PALM2AKAP2: variants seen among roughly 807,000 people sequenced by gnomAD.
PALM2AKAP2 encodes PALM2 and AKAP2 fusion.
A neutral mutation model predicts 71.5 loss-of-function variants in PALM2AKAP2; 37 were observed. The ratio of observed to expected loss-of-function variants is 0.52; its 90% CI spans 0.40 to 0.68. The LOEUF is 0.68. PALM2AKAP2 is among the 30% of genes least tolerant of loss of function. PALM2AKAP2 has a pLI of 0.00. For synonymous variants in PALM2AKAP2, 468 were observed against 478.8 expected (o/e 0.98, Z 0.29); for missense variants, 1,224 against 1,191.8 (o/e 1.03, Z -0.40).
intron 1 of PALM2AKAP2, among the ~76,000 whole-genome samples, chr9:109,680,001 T>A (rs10759357): frequency 0.86 from 131,101 of 152,128 alleles, 56,986 homozygotes; most frequent in African/African-American, 0.96. Context: ...ACCTCTCTAG[T>A]TTCATGCAAA....
At chr9:109,716,132 T>A (rs1828316123) in intron 1 of PALM2AKAP2, among the ~76,000 whole-genome samples, 1 of 152,246 alleles carries the variant, frequency 6.6e-6, no homozygotes, top group African/African-American at 2.4e-5. Flanking sequence ...GTGAGCATTG[T>A]GTAAAAATCT....
chr9:109,931,841 A>G, intron 5 of PALM2AKAP2, 86 bp from the exon 6 acceptor site: 2 of 1,458,104 alleles, frequency 1.4e-6, no homozygotes, highest in Non-Finnish European at 1.9e-6. Context: ...TCCATTATGT[A>G]GGGCAGACAA....
At chr9:109,727,771 C>G (rs760421681) in intron 1 of PALM2AKAP2, among the ~76,000 whole-genome samples, 2 of 152,204 alleles carry the variant, frequency 1.3e-5, no homozygotes, top group Non-Finnish European at 2.9e-5. Flanking sequence ...ATTGCAAATA[C>G]GTGAAGTTTT....
chr9:109,807,635 T>C (rs997361568), intron 1 of PALM2AKAP2, among the ~76,000 whole-genome samples: 4 of 152,106 alleles, frequency 2.6e-5, no homozygotes, highest in Non-Finnish European at 5.9e-5. Context: ...TTTAATCTAT[T>C]GGGAAAAGGA....
chr9:110,140,697 C>A (rs911421883), intron 2 of PALM2AKAP2, among the ~76,000 whole-genome samples: 1 of 152,210 alleles, frequency 6.6e-6, no homozygotes, highest in African/African-American at 2.4e-5. Flanking sequence ...TTCCCCCACA[C>A]TCCAGTATAA....
chr9:110,062,463 T>G (rs892036599), intron 1 of PALM2AKAP2, among the ~76,000 whole-genome samples: 1 of 152,218 alleles, frequency 6.6e-6, no homozygotes, highest in Non-Finnish European at 1.5e-5. Flanking sequence ...ATGGTGTATA[T>G]GTACCACATA....
At chr9:109,692,564 G>A (rs1827914329) in intron 1 of PALM2AKAP2, among the ~76,000 whole-genome samples, 1 of 151,906 alleles carries the variant, frequency 6.6e-6, no homozygotes, top group South Asian at 2.1e-4. Context: ...GTATCATGTA[G>A]CTATAGGTTT....
intron 6 of PALM2AKAP2, among the ~76,000 whole-genome samples, chr9:109,937,484 C>T (rs936020690): frequency 7.2e-5 from 11 of 151,944 alleles, no homozygotes; most frequent in Admixed American, 4.6e-4. Flanking sequence ...TAGCAACATT[C>T]GTTCTTACTC....
At chr9:110,071,227 G>A (rs116414480) in intron 1 of PALM2AKAP2, among the ~76,000 whole-genome samples, 1,969 of 150,982 alleles carry the variant, frequency 0.013, 36 homozygotes, top group African/African-American at 0.046. Flanking sequence ...TCAAATGGTC[G>A]AATATTAGAA....
At chr9:109,718,201 T>C (rs1311082723) in intron 1 of PALM2AKAP2, among the ~76,000 whole-genome samples, 6 of 152,036 alleles carry the variant, frequency 3.9e-5, no homozygotes. Context: ...CCACCTCTGC[T>C]TCCCGAGTAG....
At chr9:109,869,911 T>A (rs182668763) in intron 2 of PALM2AKAP2, among the ~76,000 whole-genome samples, 2 of 152,212 alleles carry the variant, frequency 1.3e-5, no homozygotes, top group East Asian at 3.9e-4. Flanking sequence ...TGATGGTAAC[T>A]TACTAAGTGG....
At chr9:109,799,111 C>T (rs1011967318) in intron 1 of PALM2AKAP2, among the ~76,000 whole-genome samples, 3 of 152,186 alleles carry the variant, frequency 2.0e-5, no homozygotes, top group Non-Finnish European at 2.9e-5. Flanking sequence ...GTGAGGGTGG[C>T]CAAGGCCAGA....
intron 6 of PALM2AKAP2, among the ~76,000 whole-genome samples, chr9:109,942,100 C>T (rs1301673444): frequency 2.0e-5 from 3 of 152,088 alleles, no homozygotes; most frequent in Admixed American, 2.0e-4. Flanking sequence ...ATTTTAGGTA[C>T]CTAGTTTAGT....
intron 6 of PALM2AKAP2, among the ~76,000 whole-genome samples, chr9:109,999,925 A>T (rs1402985399): frequency 1.3e-5 from 2 of 150,574 alleles, no homozygotes; most frequent in Non-Finnish European, 3.0e-5. Flanking sequence ...TTGAGTGTAG[A>T]TTCTTCCTTT....
rs113755734 is a variant in PALM2AKAP2 at position 110,091,664 on chromosome 9, G to C, written c.156+42809G>C. On this transcript the variant is annotated intron_variant, in intron 1 of 3. Transcript: ENST00000374525. ...TTTTTAGTAGAGATGGGGTTTCACC[G>C]TGTTAGCCAGGATGGTCTTGATCTC... 3.3e-5 allele frequency among the ~76,000 whole-genome samples: 5 copies of C among 151,792 alleles called. No individual in the cohort carries two copies. The South Asian group carries it at 6.2e-4, about 19-fold the overall frequency.
intron 3 of PALM2AKAP2, among the ~76,000 whole-genome samples, chr9:110,167,396 C>G (rs2119288504): frequency 6.6e-6 from 1 of 152,326 alleles, no homozygotes; most frequent in African/African-American, 2.4e-5. Flanking sequence ...GCAAGAATGC[C>G]TGGACTTGTT....
At chr9:109,672,795 CT>C (rs1332535668) in intron 1 of PALM2AKAP2, among the ~76,000 whole-genome samples, 1 of 151,960 alleles carries the variant, frequency 6.6e-6, no homozygotes, top group Non-Finnish European at 1.5e-5. Context: ...CATTATTAGT[CT>C]GTTCAGGGAT....
chr9:109,852,626 C>T (rs1829052423), intron 1 of PALM2AKAP2, among the ~76,000 whole-genome samples: 1 of 152,196 alleles, frequency 6.6e-6, no homozygotes, highest in African/African-American at 2.4e-5. Flanking sequence ...TCCACAGGGC[C>T]TGAACTAATT....
chr9:109,768,026 A>AGGG, intron 1 of PALM2AKAP2, among the ~76,000 whole-genome samples: 1 of 43,734 alleles, frequency 2.3e-5, no homozygotes, highest in African/African-American at 2.2e-4. Flanking sequence ...GAAAGGAAGG[A>AGGG]AGGAAAGAAA....
Sources: allele counts gnomAD v4.1 joint callset (sites outside exome capture counted in the v4.1 genomes callset), GRCh38; gene constraint gnomAD v4.1.1; transcripts MANE v1.5; gene names NCBI Gene and HGNC (gene_info 2026-07-23, HGNC 2026-07-21).